SSX7: variants seen among roughly 807,000 people sequenced by gnomAD.
The protein encoded by SSX7 is protein SSX7.
SSX7 carries 15 observed loss-of-function variants against 14.7 expected under a neutral mutation model. The ratio of observed to expected loss-of-function variants is 1.02; its 90% confidence interval spans 0.68 to 1.58. The LOEUF is 1.58. Among genes scored for constraint, SSX7 ranks in the 40% most tolerant of loss-of-function variants. The pLI is 0.00. For synonymous variants in SSX7, 46 were observed against 50.6 expected (o/e 0.91, Z 0.38); for missense variants, 178 against 146.8 (o/e 1.21, Z -1.10).
intron 6 of SSX7, among the ~76,000 whole-genome samples, chrX:52,647,057 T>C (rs1357599627): frequency 1.8e-5 from 2 of 112,507 alleles, no homozygotes; most frequent in African/African-American, 6.5e-5. Context: ...AGAGAAAGTT[T>C]GAGTGGTCAG....
In SSX7 at chrX:52,651,947, C is replaced by G. The variant is rs781789012; in HGVS notation, c.280+305G>C. ...GCTGTCTGTGCAGCACTCAGCAATC[C>G]CTGCCCGCCCTCCCTCCTCCACTTA... is the stretch of plus-strand genomic sequence containing the variant. On this transcript the variant is annotated intron_variant, in intron 4 of 7. Transcript: ENST00000298181. 2.7e-5 allele frequency among the ~76,000 whole-genome samples: 3 copies of G among 111,107 alleles called. No homozygotes were observed. The East Asian group carries it at 8.4e-4, about 31-fold the overall frequency.
intron 7 of SSX7, 85 bp from the exon 8 acceptor site, chrX:52,644,755 AC>A (rs1456629847): frequency 1.0e-6 from 1 of 1,000,557 alleles, no homozygotes. Flanking sequence ...TGACCTGCAG[AC>A]CCTGCACACT....
At chrX:52,645,630 C>G (rs1168209679) in intron 6 of SSX7, 87 bp from the exon 7 acceptor site, 77 of 793,672 alleles carry the variant, frequency 9.7e-5, no homozygotes, top group Non-Finnish European at 1.1e-4. Context: ...GATGCCTCCC[C>G]CCTCCCAAGT....
chrX:52,648,873 T>C (rs1191452293), intron 5 of SSX7, among the ~76,000 whole-genome samples: 17 of 110,685 alleles, frequency 1.5e-4, no homozygotes, highest in South Asian at 3.9e-4. Flanking sequence ...AAAGAAATGG[T>C]TTGCTAAAAT....
chrX:52,646,189 G>A (rs1206243866), intron 6 of SSX7, among the ~76,000 whole-genome samples: 3 of 111,055 alleles, frequency 2.7e-5, no homozygotes, highest in Admixed American at 9.6e-5. Context: ...TCAGCCTCCC[G>A]AGTAGCTGGG....
At chrX:52,651,499 A>G (rs782401307) in intron 4 of SSX7, among the ~76,000 whole-genome samples, 10 of 112,280 alleles carry the variant, frequency 8.9e-5, no homozygotes, top group East Asian at 8.4e-4. Flanking sequence ...GAAAAGTATG[A>G]GGAATAATAT....
chrX:52,648,509 G>A, intron 5 of SSX7, 113 bp from the exon 6 acceptor site: 1 of 1,081,600 alleles, frequency 9.2e-7, no homozygotes, highest in East Asian at 3.1e-5. Context: ...CAACAATGCT[G>A]GGAGAGTTAC....
chrX:52,647,992 A>C (rs1925303761), intron 6 of SSX7, among the ~76,000 whole-genome samples: 1 of 112,351 alleles, frequency 8.9e-6, no homozygotes, highest in Admixed American at 9.4e-5. Context: ...CAATTTATGA[A>C]CTATGATTCT....
intron 1 of SSX7, among the ~76,000 whole-genome samples, chrX:52,654,364 G>GTTTTTTT (rs1352091546): frequency 4.6e-4 from 28 of 60,905 alleles, no homozygotes; most frequent in South Asian, 1.4e-3. Flanking sequence ...ATTTGAGTGA[G>GTTTTTTT]TTTTTTTTTT....
chrX:52,652,446 A>G (rs1925465857), intron 3 of SSX7, 99 bp from the exon 4 acceptor site: 2 of 634,105 alleles, frequency 3.2e-6, no homozygotes, highest in Admixed American at 4.9e-5. Context: ...CTGAGGCTGG[A>G]GTATTGCTTG....
intron 5 of SSX7, among the ~76,000 whole-genome samples, chrX:52,648,726 G>T (rs1925331011): frequency 8.9e-6 from 1 of 111,773 alleles, no homozygotes; most frequent in South Asian, 3.8e-4. Context: ...GTCTACAAAA[G>T]GAAGAGCTTC....
chrX:52,648,071 G>GT (rs1167734974), intron 6 of SSX7, among the ~76,000 whole-genome samples, 190 bp downstream of exon 6: 5 of 111,799 alleles, frequency 4.5e-5, no homozygotes, highest in Non-Finnish European at 9.4e-5. Flanking sequence ...AAGTCACGTG[G>GT]TTTGTATATG....
Position 52,652,874 on chromosome X carries a change from T to C in SSX7, c.180A>G (p.Lys60=), listed in dbSNP as rs1361515151. ...YMKRKYEAMT[K]LGFKATLPPF... is the part of the protein sequence containing the mutation. ...GTACCTAGAACTTTCTGTTACCTAG[T>C]TTAGTCATGGCCTCATACTTTCTCT... Residue 60 remains lysine, a synonymous_variant, in exon 3 of 8, where the codon AAA becomes AAG. Transcript: ENST00000298181. The C allele has an allele frequency of 3.4e-6, 4 of 1,194,016 alleles. No homozygotes were observed. The highest frequency in any genetic ancestry group is 4.5e-6 in the Non-Finnish European group (4 of 881,575).
Position 52,652,288 on chromosome X carries a change from TC to T in SSX7, c.243del (p.Asn82MetfsTer18). 1 of 1,209,457 alleles carries T rather than the reference TC, an allele frequency of 8.3e-7. No individual in the cohort carries two copies. The highest frequency in any genetic ancestry group is 1.1e-6 in the Non-Finnish European group (1 of 894,341). On this transcript the variant is annotated frameshift_variant, in exon 4 of 8. Coordinates refer to ENST00000298181, the MANE Select transcript of SSX7 (RefSeq NM_173358.2). LOFTEE classifies it high-confidence loss of function. ...MHNTGATDLQ[G>X]NDFDNDRNQG... ...TGGTTACGGTCATTATCAAAATCAT[TC>T]CCCTGGAGGTCTGTGGCCCCTGTAT...
At chrX:52,644,951 T>C (rs1556766156) in intron 7 of SSX7, among the ~76,000 whole-genome samples, 1 of 111,112 alleles carries the variant, frequency 9.0e-6, no homozygotes, top group Non-Finnish European at 1.9e-5. Context: ...GGAGCATTCC[T>C]GGATATACAG....
At position 52,644,486 on chromosome X, in the gene SSX7, A is replaced by G; in HGVS notation, c.*189T>C. 1.5e-6 allele frequency: 1 copy of G among 653,301 alleles called. No homozygotes were observed. The highest frequency in any genetic ancestry group is 2.5e-5 in the South Asian group (1 of 40,511). The allele number at this position is 653,301 out of a possible 1,213,427, so 53.8% of individuals were successfully genotyped here. ...ACAGAATGGCACACTGTAAGAAAAT[A>G]CAATGGAAACACTAACATCGAACTC... On this transcript the variant is annotated 3_prime_UTR_variant, in exon 8 of 8. Coordinates refer to ENST00000298181, the MANE Select transcript of SSX7 (RefSeq NM_173358.2).
rs782065618 is a variant in SSX7, at chrX:52,653,438, C to A, written c.35G>T (p.Arg12Met). Residue 12 changes from arginine to methionine, a missense_variant, in exon 2 of 8, where the codon AGG becomes ATG. By Grantham distance (91) the Arg-to-Met change is moderately conservative. Transcript: ENST00000298181. ...NGDDAFARRPRAGAQIPEKIQ... is the reference protein window; with the variant it reads ...NGDDAFARRPMAGAQIPEKIQ... ...CTTCTCTGGTATTTGAGCACCAGCC[C>A]TAGGTCTCCTTGCAAAGGCGTCGTC... The A allele has an allele frequency of 3.0e-5, 36 of 1,209,569 alleles. 1 individual carries two copies. The highest frequency in any genetic ancestry group is 3.8e-5 in the Non-Finnish European group (34 of 895,171).
At chrX:52,645,148 G>C (rs1219595612) in intron 7 of SSX7, among the ~76,000 whole-genome samples, 1 of 110,351 alleles carries the variant, frequency 9.1e-6, no homozygotes, top group African/African-American at 3.3e-5. Flanking sequence ...GCGGGCACTT[G>C]TAGTCCCAGC....
chrX:52,648,555 C>T (rs1351784346), intron 5 of SSX7, among the ~76,000 whole-genome samples, 159 bp from the exon 6 acceptor site: 3 of 111,436 alleles, frequency 2.7e-5, no homozygotes, highest in East Asian at 2.8e-4. Context: ...GGAAGTTAGA[C>T]GGGAAAGGAA....
Sources: allele counts gnomAD v4.1 joint callset (sites outside exome capture counted in the v4.1 genomes callset), GRCh38; gene constraint gnomAD v4.1.1; transcripts MANE v1.5; gene names NCBI Gene and HGNC (gene_info 2026-07-23, HGNC 2026-07-21).